The following SPATA7 variants were observed in gnomAD, a reference collection of about 807,000 sequenced individuals.
The protein encoded by SPATA7 is spermatogenesis-associated protein 7.
SPATA7 carries 43 observed loss-of-function variants against 51.8 expected under a neutral mutation model. The ratio of observed to expected loss-of-function variants is 0.83; its 90% CI spans 0.65 to 1.07. The LOEUF (loss-of-function observed/expected upper bound fraction) is 1.07, where lower values mean the gene tolerates loss of function less well. Among genes scored for constraint, SPATA7 ranks in the 50% least tolerant of loss-of-function variants. The pLI is 0.00. For synonymous variants in SPATA7, 230 were observed against 252.8 expected (o/e 0.91, Z 0.86); for missense variants, 683 against 701.3 (o/e 0.97, Z 0.30).
chr14:88,463,122 A>T (rs1314032488), intron 4 of SPATA7, among the ~76,000 whole-genome samples: 1 of 152,166 alleles, frequency 6.6e-6, no homozygotes, highest in Non-Finnish European at 1.5e-5. Context: ...TTGCCTTGGA[A>T]CTGCTGCTCC....
chr14:88,395,546 C>T (rs561542789), intron 3 of SPATA7, among the ~76,000 whole-genome samples: 1 of 152,106 alleles, frequency 6.6e-6, no homozygotes, highest in South Asian at 2.1e-4. Flanking sequence ...TTAGCCCTTA[C>T]ATTTAAATTT....
intron 5 of SPATA7, among the ~76,000 whole-genome samples, chr14:88,421,374 A>T (rs976409445): frequency 6.6e-6 from 1 of 151,954 alleles, no homozygotes; most frequent in African/African-American, 2.4e-5. Flanking sequence ...GATGTGGTTT[A>T]AAAAAAACTA....
At chr14:88,436,175 A>C (rs545366238) in intron 10 of SPATA7, among the ~76,000 whole-genome samples, 20 of 152,278 alleles carry the variant, frequency 1.3e-4, no homozygotes, top group Non-Finnish European at 2.6e-4. Flanking sequence ...GATGTGTGGA[A>C]TACCTTTTCA....
intron 2 of SPATA7, among the ~76,000 whole-genome samples, chr14:88,392,499 G>T (rs906793956): frequency 8.5e-5 from 13 of 152,110 alleles, no homozygotes; most frequent in Admixed American, 2.6e-4. Flanking sequence ...ACAATGCATG[G>T]TAAATGGCAT....
In SPATA7 at chr14:88,438,039, A is replaced by G. The variant is rs2077138982; in HGVS notation, c.1417A>G (p.Met473Val). The change falls in exon 12 of 12, where the codon ATG becomes GTG. Residue 473 changes from methionine to valine, a missense_variant. Met to Val is a conservative substitution (Grantham distance 21). Coordinates refer to ENST00000393545, the MANE Select transcript of SPATA7 (RefSeq NM_018418.5). The part of the protein sequence containing the change: ...ERQQYQKALD[M>V]LLSAPKDENE... ...TCAACAATACCAAAAGGCTTTGGATATGTTATTGTCGGCACCAAAGGATGA... is the reference window on the plus strand; with the variant it reads ...TCAACAATACCAAAAGGCTTTGGATGTGTTATTGTCGGCACCAAAGGATGA... 1 of 1,614,134 alleles carries G rather than the reference A, an allele frequency of 6.2e-7. No individual in the cohort carries two copies. Among genetic ancestry groups the G allele is most frequent in the Non-Finnish European group, 8.5e-7 (1 of 1,180,010 alleles).
intron 4 of SPATA7, among the ~76,000 whole-genome samples, chr14:88,405,703 A>C (rs2076182631): frequency 6.6e-6 from 1 of 152,216 alleles, no homozygotes; most frequent in South Asian, 2.1e-4. Context: ...AGGAGAAAGC[A>C]AAGCAGTAGT....
In SPATA7 at chr14:88,454,986, G is replaced by T. The variant is rs1360993566; in HGVS notation, c.178-74G>T. 3 of 427,658 alleles carry T rather than the reference G, an allele frequency of 7.0e-6. No individual in the cohort carries two copies. The East Asian group carries it at 2.1e-4, about 30-fold the overall frequency. 26.5% of individuals were successfully genotyped at this position (427,658 alleles called of 1,614,324 possible). On this transcript the variant is annotated intron_variant, in intron 3 of 3. Transcript: ENST00000554802. ...ACCTGGAAAACTAAAGTGATTTCTGGGCCCCATCCCCATAGCTTCTGACTC... is the reference window on the plus strand; with the variant it reads ...ACCTGGAAAACTAAAGTGATTTCTGTGCCCCATCCCCATAGCTTCTGACTC...
intron 3 of SPATA7, among the ~76,000 whole-genome samples, chr14:88,445,120 T>C (rs2077202796): frequency 1.3e-5 from 2 of 152,066 alleles, no homozygotes; most frequent in African/African-American, 4.8e-5. Context: ...CCCATGAGCA[T>C]GGAATGTTCT....
At chr14:88,397,876 G>A (rs1163959066) in intron 4 of SPATA7, among the ~76,000 whole-genome samples, 1 of 152,010 alleles carries the variant, frequency 6.6e-6, no homozygotes, top group Non-Finnish European at 1.5e-5. Context: ...GAGGTCAGGA[G>A]ATCGAGACCA....
At chr14:88,420,756 A>T (rs1475361709) in intron 5 of SPATA7, among the ~76,000 whole-genome samples, 1 of 152,174 alleles carries the variant, frequency 6.6e-6, no homozygotes, top group Non-Finnish European at 1.5e-5. Flanking sequence ...AATTTTATCC[A>T]TAAATATTTG....
intron 1 of SPATA7, among the ~76,000 whole-genome samples, chr14:88,388,474 G>A (rs1246130646): frequency 6.6e-6 from 1 of 152,130 alleles, no homozygotes; most frequent in Admixed American, 6.5e-5. Flanking sequence ...TTTGGTTTGA[G>A]GCTACTTCTC....
rs370657416 is a variant in SPATA7 at position 88,469,999 on chromosome 14, G to A, written c.*132G>A. ...TGCCAAAAATCTTGACAGGTATTCT[G>A]TAATGGTCCCTGTGTGGCAATATAA... On this transcript the variant is annotated 3_prime_UTR_variant, in exon 5 of 5. Coordinates refer to the SPATA7 transcript ENST00000556406. This position sits in a 1 kb window ranked among gnomAD's most constrained non-coding sequence, Gnocchi z 4.3. 5.6e-6 allele frequency: 9 copies of A among 1,613,102 alleles called. No homozygotes were observed. Among genetic ancestry groups the A allele is most frequent in the Admixed American group, 1.7e-5 (1 of 60,006 alleles).
At position 88,391,455 on chromosome 14, in the gene SPATA7, G is replaced by T; in HGVS notation, c.94G>T (p.Ala32Ser). Residue 32 changes from alanine (A) to serine (S), a missense_variant and splice_region_variant, in exon 2 of 12, where the codon GCT becomes TCT. Ala to Ser is a moderately conservative substitution (Grantham distance 99). Transcript: ENST00000393545. ...AGGACACTTGAGCACCAAAAGTAAT[G>T]GTAAGTGAGGTGCTTAAAACGGCAG... Reference protein sequence around the residue: ...FKGHLSTKSNAFCTDSSSLRL... With the variant: ...FKGHLSTKSNSFCTDSSSLRL... 1 of 1,612,926 alleles carries T rather than the reference G, an allele frequency of 6.2e-7. No homozygotes were observed. The highest frequency in any genetic ancestry group is 1.1e-5 in the South Asian group (1 of 90,974).
exon 5 of SPATA7, chr14:88,470,218 T>A (rs774107195): frequency 1.6e-6 from 1 of 644,764 alleles, no homozygotes; most frequent in Non-Finnish European, 2.6e-6. Flanking sequence ...ATCTTTTCCC[T>A]TGTGAATACA....
At chr14:88,412,578 C>T (rs2076373165) in intron 4 of SPATA7, among the ~76,000 whole-genome samples, 2 of 152,140 alleles carry the variant, frequency 1.3e-5, no homozygotes, top group Non-Finnish European at 2.9e-5. Context: ...TTCCCCAACC[C>T]ACTGACTCAA....
rs1291800819 is a variant in SPATA7, at chr14:88,385,789, G to C, written c.-30G>C. The C allele has an allele frequency of 1.3e-6, 2 of 1,594,654 alleles. No homozygotes were observed. The highest frequency in any genetic ancestry group is 1.7e-6 in the Non-Finnish European group (2 of 1,167,670). On this transcript the variant is annotated 5_prime_UTR_variant, in exon 1 of 12. Coordinates refer to ENST00000393545, the MANE Select transcript of SPATA7 (RefSeq NM_018418.5). ...GGAAGGACCGAAGGGGATACAGCGTGTCCCTGCGGCGGCTGCAAGAGGACT... is the reference window on the plus strand; with the variant it reads ...GGAAGGACCGAAGGGGATACAGCGTCTCCCTGCGGCGGCTGCAAGAGGACT...
chr14:88,396,662 T>C (rs952290458), intron 4 of SPATA7, among the ~76,000 whole-genome samples: 8 of 152,178 alleles, frequency 5.3e-5, no homozygotes, highest in African/African-American at 1.9e-4. Flanking sequence ...ATTTTACTTA[T>C]GCATTCGTCA....
chr14:88,427,725 C>T lies in SPATA7; in HGVS notation c.912+29C>T, dbSNP rs751473776. On this transcript the variant is annotated intron_variant, in intron 7 of 11. Coordinates refer to ENST00000393545, the MANE Select transcript of SPATA7 (RefSeq NM_018418.5). ...ATAAGTATGAAATCTTTTGGTATTG[C>T]TACATTTGAATTACAGATGTTTTTC... The T allele has an allele frequency of 2.0e-6, 3 of 1,468,510 alleles. No individual in the cohort carries two copies. In the Admixed American group the frequency reaches 5.0e-5, roughly 25 times the overall value. The allele number at this position is 1,468,510 out of a possible 1,614,324, so 91.0% of individuals were successfully genotyped here. A position where few individuals can be genotyped will look rare whatever the true frequency, so the allele number is the denominator to read the frequency against.
chr14:88,427,626 A>T lies in SPATA7; in HGVS notation c.846-4A>T. On this transcript the variant is annotated splice_polypyrimidine_tract_variant and splice_region_variant and intron_variant, in intron 6 of 11. Transcript: ENST00000393545. ...TAACAATTATTTATTTTAAATTATT[A>T]CAGCTTTAAATCTGAGTTGGGGACA... 6.3e-7 allele frequency: 1 copy of T among 1,589,986 alleles called. No individual in the cohort carries two copies. Among genetic ancestry groups the T allele is most frequent in the Non-Finnish European group, 8.6e-7 (1 of 1,160,448 alleles).
Sources: gnomAD v4.1 joint callset for allele counts (sites outside exome capture counted in the v4.1 genomes callset) on GRCh38, gnomAD v4.1.1 for gene constraint, Gnocchi (gnomAD v3.1) non-coding constraint, MANE v1.5 for transcripts, NCBI Gene and HGNC (gene_info 2026-07-23, HGNC 2026-07-21) for gene names.